Variants in PTPRK observed in about 807,000 individuals in gnomAD.
The protein encoded by PTPRK is protein tyrosine phosphatase receptor type K, also known as receptor-type tyrosine-protein phosphatase kappa.
PTPRK carries 75 observed loss-of-function variants against 178.0 expected under a neutral mutation model. That is an observed-to-expected ratio of 0.42 (90% CI 0.35 to 0.51). The LOEUF (loss-of-function observed/expected upper bound fraction) is 0.51, where lower values mean the gene tolerates loss of function less well. PTPRK is among the 20% of genes least tolerant of loss of function. PTPRK has a pLI of 0.02. For missense variants in PTPRK, 1,441 were observed against 1,797.8 expected (o/e 0.80, Z 3.59); for synonymous variants, 637 against 620.6 (o/e 1.03, Z -0.39).
intron 13 of PTPRK, 22 bp from the exon 14 acceptor site, chr6:128,009,290 T>C (rs1335729229): frequency 6.3e-7 from 1 of 1,578,092 alleles, no homozygotes; most frequent in Non-Finnish European, 8.6e-7. Context: ...AAAAAAAAAA[T>C]CAGTTACTGA....
intron 13 of PTPRK, among the ~76,000 whole-genome samples, chr6:128,059,246 A>T (rs748559048): frequency 6.6e-6 from 1 of 152,092 alleles, no homozygotes; most frequent in Non-Finnish European, 1.5e-5. Context: ...CATTTCACCA[A>T]TATTGAATCT....
chr6:128,235,612 G>GA, intron 5 of PTPRK: 1 of 494,370 alleles, frequency 2.0e-6, no homozygotes, highest in Non-Finnish European at 4.2e-6. Flanking sequence ...AATCTTAAAT[G>GA]AAAAATTTCA....
intron 13 of PTPRK, among the ~76,000 whole-genome samples, chr6:128,042,706 T>C (rs1777397654): frequency 6.6e-6 from 1 of 152,036 alleles, no homozygotes; most frequent in Middle Eastern, 3.2e-3. Context: ...CTTTACAGCA[T>C]CTGGGGATTA....
At chr6:128,151,912 G>GT (rs532594665) in intron 7 of PTPRK, among the ~76,000 whole-genome samples, 18 of 150,664 alleles carry the variant, frequency 1.2e-4, no homozygotes, top group East Asian at 1.9e-4. Flanking sequence ...AAATTAAAGG[G>GT]TTTTTTTTTC....
At position 128,451,696 on chromosome 6, in the gene PTPRK, G is replaced by A. The variant is rs141756816; in HGVS notation, c.101-54008C>T. On this transcript the variant is annotated intron_variant, in intron 1 of 29. Coordinates refer to ENST00000368226, the MANE Select transcript of PTPRK (RefSeq NM_002844.4). ...GCAAAAATACGTTTTATGCTAACAT[G>A]TAATGGGTTTTTAATTATTGGTTTT... 1.6e-3 allele frequency among the ~76,000 whole-genome samples: 246 copies of A among 152,088 alleles called. 1 individual carries two copies. Among genetic ancestry groups the A allele is most frequent in the African/African-American group, 5.6e-3 (234 of 41,488 alleles).
At chr6:128,115,393 C>T (rs1355408637) in intron 7 of PTPRK, among the ~76,000 whole-genome samples, 1 of 152,058 alleles carries the variant, frequency 6.6e-6, no homozygotes, top group Non-Finnish European at 1.5e-5. Flanking sequence ...CTTTCCCACA[C>T]ATGTCTCCTT....
At chr6:128,154,264 T>C (rs1290513139) in intron 7 of PTPRK, among the ~76,000 whole-genome samples, 1 of 151,686 alleles carries the variant, frequency 6.6e-6, no homozygotes, top group Non-Finnish European at 1.5e-5. Flanking sequence ...CAATTCATAA[T>C]GAAGGCATAA....
At chr6:128,027,997 A>C (rs1265325361) in intron 13 of PTPRK, 1 of 152,228 alleles carries the variant, frequency 6.6e-6, no homozygotes, top group East Asian at 1.9e-4. Flanking sequence ...AGTCCTACTC[A>C]TCCTAATCTA....
At chr6:128,401,932 T>G (rs186338833) in intron 1 of PTPRK, among the ~76,000 whole-genome samples, 1 of 152,184 alleles carries the variant, frequency 6.6e-6, no homozygotes, top group South Asian at 2.1e-4. Context: ...ACTTTGCTCA[T>G]GTAAGTGATT....
At chr6:128,065,426 T>C (rs116784315) in intron 12 of PTPRK, among the ~76,000 whole-genome samples, 2 of 152,134 alleles carry the variant, frequency 1.3e-5, no homozygotes, top group Admixed American at 1.3e-4. Flanking sequence ...AAAATATGAT[T>C]ATTTTTAACG....
chr6:127,979,268 T>G (rs776003490), intron 25 of PTPRK, among the ~76,000 whole-genome samples: 1 of 152,088 alleles, frequency 6.6e-6, no homozygotes, highest in Non-Finnish European at 1.5e-5. Context: ...GAGTGAGAGC[T>G]TGTCTCAAAA....
chr6:128,107,905 A>G (rs1251426573), intron 7 of PTPRK, among the ~76,000 whole-genome samples: 1 of 152,108 alleles, frequency 6.6e-6, no homozygotes, highest in Non-Finnish European at 1.5e-5. Context: ...CTGTGTCACG[A>G]GAGGCCTCTA....
At chr6:128,086,936 C>G (rs905050803) in intron 8 of PTPRK, among the ~76,000 whole-genome samples, 1 of 151,722 alleles carries the variant, frequency 6.6e-6, no homozygotes, top group African/African-American at 2.4e-5. Context: ...TAAAATAAAA[C>G]TAGGATTGAA....
At chr6:128,311,268 C>G (rs932546863) in intron 3 of PTPRK, among the ~76,000 whole-genome samples, 19 of 152,120 alleles carry the variant, frequency 1.2e-4, no homozygotes, top group African/African-American at 4.3e-4. Flanking sequence ...GGGCTTGAAT[C>G]GTACAGTGTG....
chr6:128,514,773 A>T (rs567858495), intron 1 of PTPRK, among the ~76,000 whole-genome samples: 2 of 152,306 alleles, frequency 1.3e-5, no homozygotes, highest in South Asian at 4.1e-4. Flanking sequence ...CCACGAGAGG[A>T]TCAATGTGAT....
intron 2 of PTPRK, among the ~76,000 whole-genome samples, chr6:128,386,324 G>T (rs1488699723): frequency 1.8e-4 from 28 of 152,092 alleles, no homozygotes; most frequent in Admixed American, 1.8e-3. Flanking sequence ...TCACCAAAGA[G>T]ACAAAGGCTG....
chr6:128,219,779 G>A (rs79315807), intron 5 of PTPRK, among the ~76,000 whole-genome samples: 1 of 152,292 alleles, frequency 6.6e-6, no homozygotes, highest in African/African-American at 2.4e-5. Flanking sequence ...TGTATTGCCT[G>A]TGCTGTAGTA....
At chr6:127,981,332 A>G in intron 24 of PTPRK, 43 bp from the exon 25 acceptor site, 3 of 1,535,704 alleles carry the variant, frequency 2.0e-6, no homozygotes, top group African/African-American at 1.4e-5. Flanking sequence ...AGTGTGACCC[A>G]TTTAACAGTA....
At chr6:128,238,989 T>C (rs1049364975) in intron 5 of PTPRK, among the ~76,000 whole-genome samples, 1 of 152,172 alleles carries the variant, frequency 6.6e-6, no homozygotes, top group Non-Finnish European at 1.5e-5. Context: ...AGGTATTATT[T>C]CAATATTCAT....
Sources: allele counts gnomAD v4.1 joint callset (sites outside exome capture counted in the v4.1 genomes callset), GRCh38; gene constraint gnomAD v4.1.1; transcripts MANE v1.5; gene names NCBI Gene and HGNC (gene_info 2026-07-23, HGNC 2026-07-21).